Variants in TREH observed in about 807,000 individuals in gnomAD.
TREH encodes alpha,alpha-trehalose glucohydrolase.
A neutral mutation model predicts 80.5 loss-of-function variants in TREH; 69 were observed. The ratio of observed to expected loss-of-function variants is 0.86; its 90% CI spans 0.71 to 1.05. The LOEUF (loss-of-function observed/expected upper bound fraction) is 1.05. TREH is among the 50% of genes least tolerant of loss of function. TREH has a pLI of 0.00. For missense variants in TREH, 716 were observed against 718.8 expected (o/e 1.00, Z 0.04); for synonymous variants, 309 against 293.5 (o/e 1.05, Z -0.54).
At position 118,661,559 on chromosome 11, in the gene TREH, C is replaced by T; in HGVS notation, c.618-50G>A. 6.2e-7 allele frequency: 1 copy of T among 1,612,366 alleles called. No homozygotes were observed. Among genetic ancestry groups the T allele is most frequent in the Non-Finnish European group, 8.5e-7 (1 of 1,178,796 alleles). ...ATGCCCTCTCCCCAGCAACTGGCAC[C>T]AAGGCAATCCAGCTGCATGCCCGTG... is the stretch of plus-strand genomic sequence containing the variant. On this transcript the variant is annotated intron_variant, in intron 6 of 14. Transcript: ENST00000264029. The surrounding 1 kb of genome is among the most constrained non-coding windows in gnomAD (Gnocchi z 4.2).
At chr11:118,662,824 A>G in intron 4 of TREH, 57 bp downstream of exon 4, 1 of 1,538,056 alleles carries the variant, frequency 6.5e-7, no homozygotes, top group Non-Finnish European at 8.8e-7. Context: ...GGCCCCAGGC[A>G]CATTCCTCTC....
intron 1 of TREH, among the ~76,000 whole-genome samples, chr11:118,667,219 C>A (rs1565528448): frequency 2.0e-5 from 3 of 152,024 alleles, no homozygotes; most frequent in African/African-American, 7.2e-5. Flanking sequence ...CGCTCTATCA[C>A]CCAGGCTGAA....
At chr11:118,672,083 G>C (rs1949434386) in intron 1 of TREH, among the ~76,000 whole-genome samples, 1 of 152,180 alleles carries the variant, frequency 6.6e-6, no homozygotes, top group South Asian at 2.1e-4. Flanking sequence ...CGATCAGAAA[G>C]AATAGGATGT....
chr11:118,679,511 T>C, intron 1 of TREH, 28 bp downstream of exon 1: 1 of 1,462,812 alleles, frequency 6.8e-7, no homozygotes, highest in Non-Finnish European at 9.1e-7. Context: ...ATTGCCATCC[T>C]CCCCTGCTGC....
chr11:118,673,049 G>A (rs148863456), intron 1 of TREH, among the ~76,000 whole-genome samples: 117 of 152,244 alleles, frequency 7.7e-4, no homozygotes, highest in African/African-American at 2.5e-3. Flanking sequence ...GCCCCCTTGC[G>A]TTGAGTGTGA....
intron 1 of TREH, among the ~76,000 whole-genome samples, chr11:118,679,066 C>T (rs2137293748): frequency 6.6e-6 from 1 of 152,346 alleles, no homozygotes. Context: ...GCTCTGGCAG[C>T]TGCGTCTGGT....
chr11:118,659,007 C>T lies in TREH; in HGVS notation c.1443G>A (p.Lys481=), dbSNP rs1439179309. 2 of 1,613,668 alleles carry T rather than the reference C, an allele frequency of 1.2e-6. No homozygotes were observed. Among genetic ancestry groups the T allele is most frequent in the African/African-American group, 2.7e-5 (2 of 74,934 alleles). ...CTTCCTGGGCCCGACGTAAAGGTGCCTTGGCCAGGCCTAGACCCCATTGCA... is the reference window on the plus strand; with the variant it reads ...CTTCCTGGGCCCGACGTAAAGGTGCTTTGGCCAGGCCTAGACCCCATTGCA... ...LQDLVIRGLA[K]APLRRAQEVA... Residue 481 remains lysine, a synonymous_variant, in exon 13 of 15, where the codon AAG becomes AAA. Transcript: ENST00000264029.
At chr11:118,671,052 G>C (rs901113573) in intron 1 of TREH, among the ~76,000 whole-genome samples, 1 of 152,148 alleles carries the variant, frequency 6.6e-6, no homozygotes, top group Non-Finnish European at 1.5e-5. Context: ...CACTTGTCTT[G>C]TAAATGCTTC....
chr11:118,667,805 A>G (rs560440804), intron 1 of TREH, among the ~76,000 whole-genome samples: 2 of 152,334 alleles, frequency 1.3e-5, no homozygotes, highest in Admixed American at 6.5e-5. Flanking sequence ...AAGTTCCCCC[A>G]TCATGGAACA....
chr11:118,674,985 T>C lies in TREH; in HGVS notation c.89+4554A>G, dbSNP rs1555146676. On this transcript the variant is annotated intron_variant, in intron 1 of 14. Transcript: ENST00000264029. The surrounding 1 kb of genome is among the most constrained non-coding windows in gnomAD (Gnocchi z 4.4). Reference sequence around the variant, plus strand: ...CATCTTTTACTTTCAGTTTGGCTATTAGAGATAAAAGTCTATAGGGATTGT... The same window carrying C: ...CATCTTTTACTTTCAGTTTGGCTATCAGAGATAAAAGTCTATAGGGATTGT... Among the ~76,000 whole-genome samples, 5 of 152,368 alleles carry C rather than the reference T, an allele frequency of 3.3e-5. No homozygotes were observed.
At chr11:118,665,125 T>C (rs1555145563) in intron 1 of TREH, among the ~76,000 whole-genome samples, 1 of 147,866 alleles carries the variant, frequency 6.8e-6, no homozygotes, top group African/African-American at 2.5e-5. Flanking sequence ...AAAAAAAAAG[T>C]GTGTGCTCAC....
rs552033883 is a variant in TREH, at chr11:118,663,033, T to C, written c.335+19A>G. 5 of 1,612,310 alleles carry C rather than the reference T, an allele frequency of 3.1e-6. No homozygotes were observed. The East Asian group carries it at 1.1e-4, about 36-fold the overall frequency. ...TCAGTTGGAAGGAACCCTCTCTTGT[T>C]CCCCTTCCAGAGTCATACCTGTCTT... On this transcript the variant is annotated intron_variant, in intron 3 of 14. Coordinates refer to ENST00000264029, the MANE Select transcript of TREH (RefSeq NM_007180.3).
chr11:118,665,703 G>A lies in TREH; in HGVS notation c.90-2264C>T, dbSNP rs146866287. Reference sequence around the variant, plus strand: ...TAAACCTTCATGCCAGATTTACTAAGGGCCTGATGGGGTGTGTTGTGGCTT... The same window carrying A: ...TAAACCTTCATGCCAGATTTACTAAAGGCCTGATGGGGTGTGTTGTGGCTT... On this transcript the variant is annotated intron_variant, in intron 1 of 14. Transcript: ENST00000264029. 3.8e-3 allele frequency among the ~76,000 whole-genome samples: 586 copies of A among 152,314 alleles called. 6 individuals carry two copies. The highest frequency in any genetic ancestry group is 0.013 in the African/African-American group (558 of 41,568).
intron 4 of TREH, among the ~76,000 whole-genome samples, chr11:118,662,472 A>T (rs1389619337): frequency 6.6e-5 from 10 of 152,246 alleles, no homozygotes; most frequent in Non-Finnish European, 1.0e-4. Context: ...AAAGTAGCTC[A>T]GGACAGGGCT....
chr11:118,671,595 A>G (rs1311935103), intron 1 of TREH, among the ~76,000 whole-genome samples: 1 of 152,180 alleles, frequency 6.6e-6, no homozygotes, highest in African/African-American at 2.4e-5. Flanking sequence ...GTACTTAAAG[A>G]GGAGGTAGAG....
chr11:118,665,266 C>T (rs958097137), intron 1 of TREH, among the ~76,000 whole-genome samples: 10 of 152,248 alleles, frequency 6.6e-5, no homozygotes, highest in African/African-American at 2.4e-4. Flanking sequence ...ATCTCAACTA[C>T]TTTTTTCCTA....
Position 118,674,092 on chromosome 11 carries a change from T to C in TREH, c.89+5447A>G, listed in dbSNP as rs1358602147. Among the ~76,000 whole-genome samples, 1 of 152,252 alleles carries C rather than the reference T, an allele frequency of 6.6e-6. No individual in the cohort carries two copies. The highest frequency in any genetic ancestry group is 2.4e-5 in the African/African-American group (1 of 41,464). ...AGCCATTTCCATTTCATTATGGAAC[T>C]CTTCTGGGCCCTGCCCACTCTCTGT... On this transcript the variant is annotated intron_variant, in intron 1 of 14. Transcript: ENST00000264029. The surrounding 1 kb of genome is among the most constrained non-coding windows in gnomAD (Gnocchi z 4.4).
At chr11:118,658,522 G>A (rs1366295284) in intron 14 of TREH, 81 bp from the exon 15 acceptor site, 4 of 1,541,350 alleles carry the variant, frequency 2.6e-6, no homozygotes, top group Non-Finnish European at 3.5e-6. Flanking sequence ...CTCCCCAGGG[G>A]CACTGGCCCT....
chr11:118,673,292 C>T (rs928543995), intron 1 of TREH, among the ~76,000 whole-genome samples: 3 of 152,192 alleles, frequency 2.0e-5, no homozygotes, highest in Admixed American at 1.3e-4. Context: ...TTGCATCTAC[C>T]ACTGGCCATG....
Sources: allele counts gnomAD v4.1 joint callset (sites outside exome capture counted in the v4.1 genomes callset), GRCh38; gene constraint gnomAD v4.1.1; non-coding constraint Gnocchi (gnomAD v3.1); transcripts MANE v1.5; gene names NCBI Gene and HGNC (gene_info 2026-07-23, HGNC 2026-07-21).